Variants in MBNL1 observed in about 807,000 individuals in gnomAD.
The protein encoded by MBNL1 is muscleblind like splicing regulator 1.
Under a neutral mutation model 42.2 loss-of-function variants are expected in MBNL1, and 8 were observed. The observed-to-expected ratio is 0.19, with a 90% CI of 0.11 to 0.34. MBNL1 has a LOEUF of 0.34. Among genes scored for constraint, MBNL1 ranks in the 10% least tolerant of loss-of-function variants. The probability of loss-of-function intolerance (pLI) is 1.00; values close to 1 mark genes in which losing one functional copy is unlikely to be tolerated. For missense variants in MBNL1, 309 were observed against 495.3 expected, an observed-to-expected ratio of 0.62 and a Z score of 3.57; for synonymous variants, 169 against 173.9, an observed-to-expected ratio of 0.97 and a Z score of 0.22.
chr3:152,268,648 C>T (rs2037974583), upstream of MBNL1: 1 of 415,172 alleles, frequency 2.4e-6, no homozygotes, highest in Non-Finnish European at 4.8e-6. Flanking sequence ...CCACGGCGCC[C>T]GCGCGGGCTC....
Position 152,407,399 on chromosome 3 carries a change from C to A in MBNL1, c.175-7542C>A, listed in dbSNP as rs1188059895. Among the ~76,000 whole-genome samples, 3 of 151,736 alleles carry A rather than the reference C, an allele frequency of 2.0e-5. No homozygotes were observed. In the East Asian group the frequency reaches 5.8e-4, roughly 29 times the overall value. On this transcript the variant is annotated intron_variant, in intron 2 of 9. Transcript: ENST00000324210. Reference sequence around the variant, plus strand: ...GCTATATCTACCTTAATTTAGAAGACTAGAGATTGCTTGCCTAGCAAAATA... The same window carrying A: ...GCTATATCTACCTTAATTTAGAAGAATAGAGATTGCTTGCCTAGCAAAATA...
chr3:152,370,597 G>A (rs2096614841), intron 2 of MBNL1, among the ~76,000 whole-genome samples: 1 of 152,102 alleles, frequency 6.6e-6, no homozygotes, highest in African/African-American at 2.4e-5. Context: ...TGACAGTGGG[G>A]TGTTAAAGTC....
At chr3:152,429,923 G>A (rs1370489035) in intron 3 of MBNL1, among the ~76,000 whole-genome samples, 1 of 152,150 alleles carries the variant, frequency 6.6e-6, no homozygotes, top group East Asian at 1.9e-4. Flanking sequence ...GGAACAATTT[G>A]AGATAGTGCT....
intron 2 of MBNL1, among the ~76,000 whole-genome samples, chr3:152,361,137 T>C (rs545620025): frequency 6.6e-6 from 1 of 152,264 alleles, no homozygotes; most frequent in South Asian, 2.1e-4. Context: ...GTGTCATCAC[T>C]GATTCATCAT....
rs1053090956 is a variant in MBNL1, at chr3:152,464,064, C to G, written c.*1698C>G. On this transcript the variant is annotated 3_prime_UTR_variant, in exon 10 of 10. Coordinates refer to ENST00000324210, the MANE Select transcript of MBNL1 (RefSeq NM_021038.5). ...AATCGTGTTAAGAAAGTAATGGTGA[C>G]TTCACATGTTATTGTAGTTAGTTAC... 6.6e-6 allele frequency: 1 copy of G among 152,498 alleles called. No individual in the cohort carries two copies. Among genetic ancestry groups the G allele is most frequent in the Non-Finnish European group, 1.5e-5 (1 of 67,964 alleles). 9.4% of individuals were successfully genotyped at this position (152,498 alleles called of 1,614,324 possible).
intron 2 of MBNL1, chr3:152,340,834 A>G: frequency 1.9e-6 from 3 of 1,613,944 alleles, no homozygotes; most frequent in Non-Finnish European, 2.5e-6. Context: ...GATCCCACCT[A>G]AAGCAGCCAG....
chr3:152,352,197 T>C (rs1480909101), intron 2 of MBNL1, among the ~76,000 whole-genome samples: 1 of 152,204 alleles, frequency 6.6e-6, no homozygotes, highest in Non-Finnish European at 1.5e-5. Flanking sequence ...GAAGGAAAAA[T>C]AGAAAGATAA....
chr3:152,423,668 G>A (rs925015539), intron 3 of MBNL1, among the ~76,000 whole-genome samples: 13 of 152,164 alleles, frequency 8.5e-5, no homozygotes, highest in Admixed American at 4.6e-4. Flanking sequence ...GGTGAACATC[G>A]GTGCGAAAAT....
At chr3:152,320,698 T>A (rs1263284350) in intron 2 of MBNL1, among the ~76,000 whole-genome samples, 3 of 150,634 alleles carry the variant, frequency 2.0e-5, no homozygotes, top group Admixed American at 6.6e-5. Context: ...TTTTTTTTTT[T>A]AATCTTTTTT....
intron 2 of MBNL1, among the ~76,000 whole-genome samples, chr3:152,338,910 A>G (rs973063031): frequency 5.9e-5 from 9 of 151,902 alleles, no homozygotes; most frequent in Non-Finnish European, 1.2e-4. Flanking sequence ...TAAATATTCA[A>G]TTTTTTTTAT....
chr3:152,337,536 C>G (rs2091138911), intron 2 of MBNL1, among the ~76,000 whole-genome samples: 2 of 151,094 alleles, frequency 1.3e-5, no homozygotes, highest in African/African-American at 4.9e-5. Flanking sequence ...GATAATTGCT[C>G]AAACCCGGGA....
intron 6 of MBNL1, among the ~76,000 whole-genome samples, chr3:152,449,695 A>T (rs556147683): frequency 6.6e-6 from 1 of 152,378 alleles, no homozygotes; most frequent in Admixed American, 6.5e-5. Flanking sequence ...TGCTAGGTTA[A>T]GCATTGCTAA....
At chr3:152,321,124 T>G (rs1001028467) in intron 2 of MBNL1, among the ~76,000 whole-genome samples, 6 of 151,926 alleles carry the variant, frequency 3.9e-5, no homozygotes, top group Non-Finnish European at 1.5e-5. Flanking sequence ...TTCTAGAGAG[T>G]AAAAAAATGT....
chr3:152,276,653 A>G (rs2045383911), intron 1 of MBNL1, among the ~76,000 whole-genome samples: 1 of 152,176 alleles, frequency 6.6e-6, no homozygotes, highest in African/African-American at 2.4e-5. Context: ...GGTGGGAAGC[A>G]TTAATAGGAT....
chr3:152,309,329 A>G (rs1013534373), intron 2 of MBNL1, among the ~76,000 whole-genome samples: 4 of 152,188 alleles, frequency 2.6e-5, no homozygotes, highest in African/African-American at 9.7e-5. Flanking sequence ...TTTTAGGCCC[A>G]GCAAAATTGT....
At chr3:152,346,469 A>G (rs1455978851) in intron 2 of MBNL1, among the ~76,000 whole-genome samples, 1 of 152,106 alleles carries the variant, frequency 6.6e-6, no homozygotes, top group East Asian at 1.9e-4. Context: ...TTATTCTGAG[A>G]AGAGTTTATT....
chr3:152,367,643 C>T (rs1419302559), intron 2 of MBNL1, among the ~76,000 whole-genome samples: 1 of 152,194 alleles, frequency 6.6e-6, no homozygotes, highest in African/African-American at 2.4e-5. Context: ...ACAGTCCCAC[C>T]AACAGTGTAA....
At chr3:152,330,823 G>A (rs1172240880) in intron 2 of MBNL1, among the ~76,000 whole-genome samples, 2 of 152,046 alleles carry the variant, frequency 1.3e-5, no homozygotes, top group African/African-American at 2.4e-5. Flanking sequence ...TTTATTGTAG[G>A]TATGTATAGG....
At chr3:152,420,844 C>T (rs1485807977) in intron 3 of MBNL1, among the ~76,000 whole-genome samples, 3 of 151,974 alleles carry the variant, frequency 2.0e-5, no homozygotes, top group South Asian at 4.2e-4. Flanking sequence ...CATGTTTTAA[C>T]CCAATGCAAG....
Sources: gnomAD v4.1 joint callset for allele counts (sites outside exome capture counted in the v4.1 genomes callset) on GRCh38, gnomAD v4.1.1 for gene constraint, MANE v1.5 for transcripts, NCBI Gene and HGNC (gene_info 2026-07-23, HGNC 2026-07-21) for gene names.